Variants in KCNQ3 observed in about 807,000 individuals in gnomAD.
The protein encoded by KCNQ3 is potassium voltage-gated channel subfamily Q member 3, also known as potassium voltage-gated channel subfamily KQT member 3.
KCNQ3 carries 30 observed loss-of-function variants against 92.5 expected under a neutral mutation model. That is an observed-to-expected ratio of 0.32 (90% confidence interval 0.24 to 0.44). The LOEUF (loss-of-function observed/expected upper bound fraction) is 0.44. KCNQ3 is among the 20% of genes least tolerant of loss of function. The pLI, the probability that KCNQ3 is intolerant of heterozygous loss-of-function variation, is 1.00. For synonymous variants in KCNQ3, 450 were observed against 468.8 expected (o/e 0.96, Z 0.52); for missense variants, 913 against 1,140.3 (o/e 0.80, Z 2.87).
chr8:132,222,001 C>G (rs1814254937), intron 1 of KCNQ3, among the ~76,000 whole-genome samples: 2 of 152,172 alleles, frequency 1.3e-5, no homozygotes, highest in Non-Finnish European at 2.9e-5. Context: ...AGGACATAGG[C>G]ATGGGCAAGG....
chr8:132,220,058 C>A (rs900168196), intron 1 of KCNQ3, among the ~76,000 whole-genome samples: 1 of 152,268 alleles, frequency 6.6e-6, no homozygotes, highest in East Asian at 1.9e-4. Context: ...AAACAACATT[C>A]TTTCTATTTT....
chr8:132,252,978 GCCAAT>G (rs1397828469), intron 1 of KCNQ3, among the ~76,000 whole-genome samples: 1 of 152,132 alleles, frequency 6.6e-6, no homozygotes, highest in Non-Finnish European at 1.5e-5. Flanking sequence ...TAAGAGGTCA[GCCAAT>G]CCATTTCACC....
chr8:132,388,476 G>C (rs1819958402), intron 1 of KCNQ3, among the ~76,000 whole-genome samples: 1 of 151,764 alleles, frequency 6.6e-6, no homozygotes, highest in Non-Finnish European at 1.5e-5. Flanking sequence ...ACCTTTGATG[G>C]AATACAAGAA....
At chr8:132,220,996 G>A (rs1814209088) in intron 1 of KCNQ3, among the ~76,000 whole-genome samples, 2 of 152,060 alleles carry the variant, frequency 1.3e-5, no homozygotes, top group Admixed American at 1.3e-4. Flanking sequence ...GCCCCGGGGT[G>A]TGATGCTCCC....
intron 14 of KCNQ3, 57 bp from the exon 15 acceptor site, chr8:132,130,053 T>C: frequency 1.9e-6 from 3 of 1,584,172 alleles, no homozygotes; most frequent in Non-Finnish European, 2.6e-6. Context: ...GGATCGTTGC[T>C]ATTGGTTGGG....
At chr8:132,141,850 T>C (rs1563769366) in intron 9 of KCNQ3, among the ~76,000 whole-genome samples, 1 of 152,024 alleles carries the variant, frequency 6.6e-6, no homozygotes, top group African/African-American at 2.4e-5. Flanking sequence ...AGTCCGTGAG[T>C]TTGGATGGGG....
At chr8:132,249,039 C>G (rs1008589557) in intron 1 of KCNQ3, among the ~76,000 whole-genome samples, 2 of 152,264 alleles carry the variant, frequency 1.3e-5, no homozygotes, top group South Asian at 4.2e-4. Context: ...TTCGGAGTTT[C>G]TTCCTTCTGG....
At position 132,141,176 on chromosome 8, in the gene KCNQ3, C is replaced by T. The variant is rs138181943; in HGVS notation, c.1418G>A (p.Arg473His). The change falls in exon 10 of 15, where the codon CGC becomes CAC. Residue 473 changes from arginine to histidine, a missense_variant. Physicochemically the swap from Arg to His is conservative, Grantham distance 29. Transcript: ENST00000388996. ...GTAGGCTTTCATGCGGAAGGCCGTG[C>T]GGAAACGCTCTTTATTGTTTAAGCC... ...PVGLNNKERF[R>H]TAFRMKAYAF... 12 of 1,614,034 alleles carry T rather than the reference C, an allele frequency of 7.4e-6. No homozygotes were observed. Among genetic ancestry groups the T allele is most frequent in the African/African-American group, 1.3e-5 (1 of 74,918 alleles).
chr8:132,295,593 T>C (rs1028568496), intron 1 of KCNQ3, among the ~76,000 whole-genome samples: 6 of 152,244 alleles, frequency 3.9e-5, no homozygotes, highest in African/African-American at 9.6e-5. Context: ...TGTATGTTCA[T>C]TGCAGCACTA....
At chr8:132,171,880 G>A (rs953188182) in intron 7 of KCNQ3, among the ~76,000 whole-genome samples, 1 of 152,056 alleles carries the variant, frequency 6.6e-6, no homozygotes, top group Non-Finnish European at 1.5e-5. Flanking sequence ...CTGAGGCCAC[G>A]TGCCACAACT....
In KCNQ3 at chr8:132,128,714, T is replaced by G. The variant is rs1176377463; in HGVS notation, c.*548A>C. On this transcript the variant is annotated 3_prime_UTR_variant, in exon 15 of 15. Coordinates refer to ENST00000388996, the MANE Select transcript of KCNQ3 (RefSeq NM_004519.4). ...TTAAATATTTGTTTAAATTCTTTGT[T>G]TTAGAGACACAATGACTATCTCATT... The G allele has an allele frequency of 6.4e-6, 1 of 156,806 alleles. No homozygotes were observed. Among genetic ancestry groups the G allele is most frequent in the Non-Finnish European group, 1.4e-5 (1 of 70,650 alleles). 9.7% of individuals were successfully genotyped at this position (156,806 alleles called of 1,614,324 possible).
chr8:132,279,496 C>A (rs755780320), intron 1 of KCNQ3, among the ~76,000 whole-genome samples: 1 of 152,156 alleles, frequency 6.6e-6, no homozygotes, highest in African/African-American at 2.4e-5. Flanking sequence ...AATCTATGGA[C>A]GTGAAGACAA....
At chr8:132,469,735 T>A (rs1822255300) in intron 1 of KCNQ3, among the ~76,000 whole-genome samples, 1 of 151,926 alleles carries the variant, frequency 6.6e-6, no homozygotes, top group Non-Finnish European at 1.5e-5. Flanking sequence ...AACCATAGGA[T>A]CACAACCAAG....
intron 2 of KCNQ3, 125 bp downstream of exon 2, chr8:132,185,966 G>C: frequency 2.7e-6 from 2 of 751,214 alleles, no homozygotes; most frequent in South Asian, 1.4e-5. Flanking sequence ...TTTTCCTTGG[G>C]CCTGGACTTG....
Position 132,317,333 on chromosome 8 carries a change from A to C in KCNQ3, c.387-131152T>G, listed in dbSNP as rs145095513. ...ATATTTTTCTTAAAACATGCCTAAA[A>C]ACCATCAATTTTCATGCAGAATTTT... On this transcript the variant is annotated intron_variant, in intron 1 of 14. Coordinates refer to ENST00000388996, the MANE Select transcript of KCNQ3 (RefSeq NM_004519.4). Among the ~76,000 whole-genome samples, 86 of 152,266 alleles carry C rather than the reference A, an allele frequency of 5.6e-4. No homozygotes were observed. In the East Asian group the frequency reaches 0.016, roughly 28 times the overall value.
chr8:132,319,690 T>G (rs1817845202), intron 1 of KCNQ3, among the ~76,000 whole-genome samples: 1 of 152,182 alleles, frequency 6.6e-6, no homozygotes, highest in Non-Finnish European at 1.5e-5. Flanking sequence ...CACAAGTCCC[T>G]CTGGACTCTT....
At chr8:132,296,826 T>C (rs1817044843) in intron 1 of KCNQ3, among the ~76,000 whole-genome samples, 1 of 152,052 alleles carries the variant, frequency 6.6e-6, no homozygotes, top group Admixed American at 6.5e-5. Flanking sequence ...TCTTTGCTAT[T>C]GTGAATAGTG....
intron 1 of KCNQ3, among the ~76,000 whole-genome samples, chr8:132,294,559 T>C (rs1816960656): frequency 6.6e-6 from 1 of 152,162 alleles, no homozygotes; most frequent in Admixed American, 6.5e-5. Context: ...GATTTTGAGA[T>C]TTACTTTCTT....
At chr8:132,230,813 A>G (rs1814622660) in intron 1 of KCNQ3, among the ~76,000 whole-genome samples, 2 of 152,186 alleles carry the variant, frequency 1.3e-5, no homozygotes, top group Non-Finnish European at 2.9e-5. Context: ...CCAAAGAATT[A>G]CATCCACTTC....
Sources: gnomAD v4.1 joint callset for allele counts (sites outside exome capture counted in the v4.1 genomes callset) on GRCh38, gnomAD v4.1.1 for gene constraint, MANE v1.5 for transcripts, NCBI Gene and HGNC (gene_info 2026-07-23, HGNC 2026-07-21) for gene names.